Variants in PDGFC observed in about 807,000 individuals in gnomAD.
The protein encoded by PDGFC is platelet-derived growth factor C.
In PDGFC, 12 loss-of-function variants were observed where a neutral mutation model predicts 35.5. The ratio of observed to expected loss-of-function variants is 0.34; its 90% confidence interval spans 0.22 to 0.55. The LOEUF (loss-of-function observed/expected upper bound fraction) is 0.55, where lower values mean the gene tolerates loss of function less well. Among genes scored for constraint, PDGFC ranks in the 20% least tolerant of loss-of-function variants. PDGFC has a pLI of 0.91. For missense variants in PDGFC, 322 were observed against 412.4 expected, an observed-to-expected ratio of 0.78 and a Z score of 1.90; for synonymous variants, 159 against 148.8, an observed-to-expected ratio of 1.07 and a Z score of -0.50.
At chr4:156,765,625 T>C (rs1456770191) in intron 5 of PDGFC, among the ~76,000 whole-genome samples, 1 of 152,150 alleles carries the variant, frequency 6.6e-6, no homozygotes, top group Non-Finnish European at 1.5e-5. Context: ...AAGACTATTA[T>C]TTCATAAAAA....
chr4:156,874,503 A>AT (rs993251650), intron 1 of PDGFC, among the ~76,000 whole-genome samples: 1 of 152,144 alleles, frequency 6.6e-6, no homozygotes, highest in African/African-American at 2.4e-5. Flanking sequence ...CTAGCAAAAC[A>AT]GTCCTTATAT....
Position 156,760,810 on chromosome 4 carries a change from T to C in PDGFC, c.*2280A>G, listed in dbSNP as rs1327917556. The stretch of plus-strand genomic sequence containing the variant: ...AAATATTAAAAAAGGGAAAATATAT[T>C]TCGTTCAAAGATGGGAAACAATGGA... On this transcript the variant is annotated 3_prime_UTR_variant, in exon 6 of 6. Transcript: ENST00000502773. 1 of 152,110 alleles carries C rather than the reference T, an allele frequency of 6.6e-6. No homozygotes were observed. The highest frequency in any genetic ancestry group is 1.5e-5 in the Non-Finnish European group (1 of 68,024). 9.4% of individuals were successfully genotyped at this position (152,110 alleles called of 1,614,324 possible).
chr4:156,866,884 A>G (rs1729856933), intron 1 of PDGFC, among the ~76,000 whole-genome samples: 1 of 152,196 alleles, frequency 6.6e-6, no homozygotes, highest in Non-Finnish European at 1.5e-5. Flanking sequence ...AATGGTATAC[A>G]GTGAATGCAT....
At chr4:156,780,186 A>G (rs1252288043) in intron 3 of PDGFC, among the ~76,000 whole-genome samples, 2 of 151,418 alleles carry the variant, frequency 1.3e-5, no homozygotes, top group South Asian at 2.2e-4. Context: ...TTAAAAGCTA[A>G]AATAACGTCT....
intron 1 of PDGFC, among the ~76,000 whole-genome samples, chr4:156,912,852 A>C (rs2110811255): frequency 6.6e-6 from 1 of 152,166 alleles, no homozygotes; most frequent in South Asian, 2.1e-4. Context: ...TTAATTATAG[A>C]CTATAAAATA....
At chr4:156,869,798 G>A (rs944033195) in intron 1 of PDGFC, among the ~76,000 whole-genome samples, 1 of 152,062 alleles carries the variant, frequency 6.6e-6, no homozygotes. Flanking sequence ...GAACAAGATT[G>A]AGAATAATAC....
At chr4:156,959,485 C>T (rs1732288143) in intron 1 of PDGFC, among the ~76,000 whole-genome samples, 1 of 151,880 alleles carries the variant, frequency 6.6e-6, no homozygotes, top group Admixed American at 6.6e-5. Flanking sequence ...TTTGAATGAG[C>T]CCCAGAACCA....
At chr4:156,952,361 G>C (rs548484818) in intron 1 of PDGFC, among the ~76,000 whole-genome samples, 1 of 151,728 alleles carries the variant, frequency 6.6e-6, no homozygotes, top group South Asian at 2.1e-4. Flanking sequence ...TTATTAAACC[G>C]CTGGGGTAAA....
intron 1 of PDGFC, among the ~76,000 whole-genome samples, chr4:156,883,985 C>A (rs778921361): frequency 6.6e-6 from 1 of 152,098 alleles, no homozygotes; most frequent in Non-Finnish European, 1.5e-5. Context: ...AATTAGGGAT[C>A]TCTATCAAAA....
chr4:156,910,276 C>A (rs1055808137), intron 1 of PDGFC, among the ~76,000 whole-genome samples: 3 of 152,142 alleles, frequency 2.0e-5, no homozygotes, highest in Non-Finnish European at 2.9e-5. Flanking sequence ...GTCCCTTAAA[C>A]CCTTCACTCT....
At chr4:156,920,210 A>G (rs1731240789) in intron 1 of PDGFC, among the ~76,000 whole-genome samples, 1 of 152,208 alleles carries the variant, frequency 6.6e-6, no homozygotes, top group Admixed American at 6.5e-5. Context: ...ACTCAGTCTC[A>G]AGTATTCCTT....
chr4:156,785,263 G>A (rs1042644018), intron 3 of PDGFC, among the ~76,000 whole-genome samples: 23 of 152,122 alleles, frequency 1.5e-4, no homozygotes, highest in East Asian at 1.2e-3. Flanking sequence ...GTACAGTGGC[G>A]CAATCTTGGC....
chr4:156,831,783 T>G (rs909198644), intron 2 of PDGFC, among the ~76,000 whole-genome samples: 1 of 152,088 alleles, frequency 6.6e-6, no homozygotes, highest in East Asian at 1.9e-4. Flanking sequence ...GTAACTGGCT[T>G]TTTAAAAACA....
intron 1 of PDGFC, among the ~76,000 whole-genome samples, chr4:156,945,104 A>G (rs1201827543): frequency 6.6e-6 from 1 of 151,576 alleles, no homozygotes; most frequent in African/African-American, 2.4e-5. Context: ...TTTCTATCAT[A>G]CCAATAGTTT....
At position 156,906,020 on chromosome 4, in the gene PDGFC, G is replaced by C. The variant is rs564039780; in HGVS notation, c.119-55604C>G. Among the ~76,000 whole-genome samples, 3 of 152,182 alleles carry C rather than the reference G, an allele frequency of 2.0e-5. No individual in the cohort carries two copies. The East Asian group carries it at 5.8e-4, about 29-fold the overall frequency. On this transcript the variant is annotated intron_variant, in intron 1 of 5. Transcript: ENST00000502773. ...GATGCTTCATCAGATACTTGTGTAA[G>C]TATACACAGAGATATACATTTATAA... is the stretch of plus-strand genomic sequence containing the variant.
intron 1 of PDGFC, among the ~76,000 whole-genome samples, chr4:156,953,359 A>G (rs1278981886): frequency 6.6e-6 from 1 of 151,932 alleles, no homozygotes; most frequent in Non-Finnish European, 1.5e-5. Flanking sequence ...TGTTTTCTAG[A>G]CTAAAGTCAA....
intron 2 of PDGFC, among the ~76,000 whole-genome samples, chr4:156,848,995 T>C (rs1729390495): frequency 6.6e-6 from 1 of 152,012 alleles, no homozygotes; most frequent in African/African-American, 2.4e-5. Context: ...AGGGATAGGA[T>C]TACTTACTAC....
chr4:156,796,368 T>C (rs982822177), intron 3 of PDGFC, among the ~76,000 whole-genome samples: 1 of 152,068 alleles, frequency 6.6e-6, no homozygotes, highest in African/African-American at 2.4e-5. Flanking sequence ...TAATTTCCTA[T>C]TGAGTTTGGT....
intron 1 of PDGFC, among the ~76,000 whole-genome samples, chr4:156,874,638 G>A (rs963713364): frequency 2.6e-5 from 4 of 152,004 alleles, no homozygotes; most frequent in Non-Finnish European, 4.4e-5. Flanking sequence ...AAGGAAAGAA[G>A]ATGTTTAACA....
Sources: allele counts gnomAD v4.1 joint callset (sites outside exome capture counted in the v4.1 genomes callset), GRCh38; gene constraint gnomAD v4.1.1; transcripts MANE v1.5; gene names NCBI Gene and HGNC (gene_info 2026-07-23, HGNC 2026-07-21).